KCTD16: variants seen among roughly 807,000 people sequenced by gnomAD.
The protein encoded by KCTD16 is potassium channel tetramerization domain containing 16.
In KCTD16, 13 loss-of-function variants were observed where a neutral mutation model predicts 33.2. The observed-to-expected ratio is 0.39, with a 90% CI of 0.25 to 0.62. The LOEUF is 0.62. Among genes scored for constraint, KCTD16 ranks in the 20% least tolerant of loss-of-function variants. KCTD16 has a pLI of 0.50. For missense variants in KCTD16, 441 were observed against 525.1 expected (o/e 0.84, Z 1.57); for synonymous variants, 197 against 195.3 (o/e 1.01, Z -0.07).
chr5:144,471,823 C>T (rs1182970374), intron 3 of KCTD16, among the ~76,000 whole-genome samples: 1 of 152,052 alleles, frequency 6.6e-6, no homozygotes, highest in African/African-American at 2.4e-5. Flanking sequence ...TTTAATGGCT[C>T]TATAAATACG....
At chr5:144,268,431 T>C (rs1162749409) in intron 3 of KCTD16, among the ~76,000 whole-genome samples, 2 of 152,094 alleles carry the variant, frequency 1.3e-5, no homozygotes, top group East Asian at 3.9e-4. Flanking sequence ...GAGATGGATA[T>C]CAAACACAGG....
At chr5:144,319,762 T>C (rs936031142) in intron 3 of KCTD16, among the ~76,000 whole-genome samples, 12 of 152,180 alleles carry the variant, frequency 7.9e-5, no homozygotes, top group African/African-American at 2.9e-4. Context: ...TGCTCTATTT[T>C]GGAAAACTGT....
intron 3 of KCTD16, among the ~76,000 whole-genome samples, chr5:144,441,831 T>C (rs892761323): frequency 6.6e-6 from 1 of 150,758 alleles, no homozygotes; most frequent in African/African-American, 2.4e-5. Flanking sequence ...TCTATATAAA[T>C]GTTAAGATCA....
At chr5:144,450,727 A>C (rs1753922101) in intron 3 of KCTD16, among the ~76,000 whole-genome samples, 1 of 152,088 alleles carries the variant, frequency 6.6e-6, no homozygotes, top group African/African-American at 2.4e-5. Flanking sequence ...ATTCCACTTA[A>C]ATGAGGTATC....
chr5:144,199,793 T>G (rs1753007776), intron 2 of KCTD16, among the ~76,000 whole-genome samples: 2 of 149,750 alleles, frequency 1.3e-5, no homozygotes, highest in African/African-American at 5.0e-5. Context: ...CTTGGCTCAT[T>G]GCAATCTCCG....
At chr5:144,267,300 C>A (rs1755171141) in intron 3 of KCTD16, among the ~76,000 whole-genome samples, 1 of 152,094 alleles carries the variant, frequency 6.6e-6, no homozygotes, top group Non-Finnish European at 1.5e-5. Context: ...CCTCAGTTTC[C>A]TTGCTTATTA....
At chr5:144,216,976 T>A (rs1753583790) in intron 3 of KCTD16, among the ~76,000 whole-genome samples, 1 of 150,572 alleles carries the variant, frequency 6.6e-6, no homozygotes, top group Non-Finnish European at 1.5e-5. Flanking sequence ...AGTGGTAACT[T>A]TTTTGTAAAG....
At chr5:144,415,030 A>G (rs1374396215) in intron 3 of KCTD16, among the ~76,000 whole-genome samples, 1 of 152,154 alleles carries the variant, frequency 6.6e-6, no homozygotes, top group Non-Finnish European at 1.5e-5. Context: ...ATTCATAAAG[A>G]ATAGAAATGT....
chr5:144,332,905 A>G (rs897215139), intron 3 of KCTD16, among the ~76,000 whole-genome samples: 6 of 152,184 alleles, frequency 3.9e-5, no homozygotes, highest in Admixed American at 2.0e-4. Context: ...AAGGAGGAGA[A>G]AGACATGTTT....
At chr5:144,395,810 G>A (rs1238219840) in intron 3 of KCTD16, among the ~76,000 whole-genome samples, 2 of 152,154 alleles carry the variant, frequency 1.3e-5, no homozygotes, top group Non-Finnish European at 2.9e-5. Context: ...TAAACTGATG[G>A]CAGTGCAGCA....
chr5:144,417,706 T>C (rs1480353386), intron 3 of KCTD16, among the ~76,000 whole-genome samples: 5 of 152,328 alleles, frequency 3.3e-5, no homozygotes, highest in African/African-American at 1.2e-4. Flanking sequence ...GTTCTATGCT[T>C]TTTTGCAAGT....
rs139521282 is a variant in KCTD16, at chr5:144,340,295, G to C, written c.832+132749G>C. On this transcript the variant is annotated intron_variant, in intron 3 of 3. Coordinates refer to ENST00000512467, the MANE Select transcript of KCTD16 (RefSeq NM_020768.4). ...CGGGTACCTATAGTCCCAGCTATTC[G>C]AGAGGCTGAGGCAGGAGAATGGCGT... is the stretch of plus-strand genomic sequence containing the variant. 3.6e-3 allele frequency among the ~76,000 whole-genome samples: 545 copies of C among 151,372 alleles called. 3 individuals are homozygous for C. Among genetic ancestry groups the C allele is most frequent in the African/African-American group, 0.013 (524 of 41,178 alleles).
At chr5:144,291,374 A>G (rs1755891824) in intron 3 of KCTD16, among the ~76,000 whole-genome samples, 3 of 152,182 alleles carry the variant, frequency 2.0e-5, no homozygotes, top group African/African-American at 7.2e-5. Context: ...TTTCTTCCTC[A>G]ACTCTCTCAG....
intron 3 of KCTD16, among the ~76,000 whole-genome samples, chr5:144,452,113 G>A (rs530054601): frequency 2.0e-5 from 3 of 146,380 alleles, no homozygotes; most frequent in African/African-American, 5.3e-5. Flanking sequence ...ATTTCACCCC[G>A]CTGCTCCCAA....
intron 2 of KCTD16, among the ~76,000 whole-genome samples, chr5:144,193,798 G>A (rs1030439624): frequency 6.6e-6 from 1 of 152,152 alleles, no homozygotes; most frequent in African/African-American, 2.4e-5. Flanking sequence ...TGGAAGCGAA[G>A]AGAAGAGATA....
chr5:144,231,774 G>T (rs1754110385), intron 3 of KCTD16, among the ~76,000 whole-genome samples: 1 of 152,142 alleles, frequency 6.6e-6, no homozygotes, highest in South Asian at 2.1e-4. Flanking sequence ...TGTGAAGAAG[G>T]ATGTGTTTGG....
chr5:144,360,631 C>T (rs536352857), intron 3 of KCTD16, among the ~76,000 whole-genome samples: 12 of 152,186 alleles, frequency 7.9e-5, no homozygotes, highest in African/African-American at 2.4e-4. Flanking sequence ...GGGCTTTCAC[C>T]ATATTGGCCA....
intron 3 of KCTD16, among the ~76,000 whole-genome samples, chr5:144,244,317 T>C (rs927681065): frequency 6.6e-6 from 1 of 152,202 alleles, no homozygotes; most frequent in Non-Finnish European, 1.5e-5. Flanking sequence ...CCTGCCTACT[T>C]CTATTTTAGT....
chr5:144,435,156 A>T (rs1341950141), intron 3 of KCTD16, among the ~76,000 whole-genome samples: 1 of 152,184 alleles, frequency 6.6e-6, no homozygotes, highest in Non-Finnish European at 1.5e-5. Context: ...AACAAAGTGG[A>T]TTATATTTTA....
Sources: allele counts gnomAD v4.1 joint callset (sites outside exome capture counted in the v4.1 genomes callset), GRCh38; gene constraint gnomAD v4.1.1; transcripts MANE v1.5; gene names NCBI Gene and HGNC (gene_info 2026-07-23, HGNC 2026-07-21).